The following PLAGL1 variants were observed in gnomAD, a reference collection of about 807,000 sequenced individuals.
PLAGL1 encodes zinc finger protein PLAGL1.
PLAGL1 carries 1 observed loss-of-function variant against 4.6 expected under a neutral mutation model. The ratio of observed to expected loss-of-function variants is 0.22; its 90% CI spans 0.08 to 1.03. The LOEUF is 1.03. PLAGL1 is among the 50% of genes least tolerant of loss of function. The pLI, the probability that PLAGL1 is intolerant of heterozygous loss-of-function variation, is 0.58. For missense variants in PLAGL1, 464 were observed against 570.4 expected (o/e 0.81, Z 1.90); for synonymous variants, 240 against 237.8 (o/e 1.01, Z -0.08).
At chr6:144,042,859 G>C (rs1373356562) in intron 1 of PLAGL1, among the ~76,000 whole-genome samples, 1 of 152,166 alleles carries the variant, frequency 6.6e-6, no homozygotes, top group Non-Finnish European at 1.5e-5. Flanking sequence ...TTGAGCAGTG[G>C]TTTATAGTTC....
rs1365163019 is a variant in PLAGL1, at chr6:143,979,186, T to C, written c.-544+5949A>G. Reference sequence around the variant, plus strand: ...TGTGTCTTTACACATGAAGTGCATTTTTTTGTAGGCAGCATATAGTTAGTT... The same window carrying C: ...TGTGTCTTTACACATGAAGTGCATTCTTTTGTAGGCAGCATATAGTTAGTT... On this transcript the variant is annotated intron_variant, in intron 2 of 7. Transcript: ENST00000674357. This position sits in a 1 kb window ranked among gnomAD's most constrained non-coding sequence, Gnocchi z 4.6. 6.6e-6 allele frequency among the ~76,000 whole-genome samples: 1 copy of C among 152,184 alleles called. No individual in the cohort carries two copies. Among genetic ancestry groups the C allele is most frequent in the Non-Finnish European group, 1.5e-5 (1 of 67,996 alleles).
At chr6:143,944,205 G>A (rs1056172028) in intron 7 of PLAGL1, among the ~76,000 whole-genome samples, 1 of 152,084 alleles carries the variant, frequency 6.6e-6, no homozygotes, top group East Asian at 1.9e-4. Flanking sequence ...ATCTCTTTAA[G>A]ACAGTATGTT....
intron 1 of PLAGL1, among the ~76,000 whole-genome samples, chr6:144,038,705 T>C (rs1032191114): frequency 6.6e-6 from 1 of 152,216 alleles, no homozygotes; most frequent in African/African-American, 2.4e-5. Context: ...GAAAACATTA[T>C]ACTGTGTGAA....
chr6:143,993,000 A>G (rs1790805937), intron 1 of PLAGL1, among the ~76,000 whole-genome samples: 1 of 146,556 alleles, frequency 6.8e-6, no homozygotes, highest in East Asian at 2.2e-4. Flanking sequence ...AAACAAACAA[A>G]CACACACACA....
At position 143,982,927 on chromosome 6, in the gene PLAGL1, G is replaced by A. The variant is rs1175369284; in HGVS notation, c.-544+2208C>T. On this transcript the variant is annotated intron_variant, in intron 2 of 7. Coordinates refer to ENST00000674357, the MANE Select transcript of PLAGL1 (RefSeq NM_001317162.2). This position sits in a 1 kb window ranked among gnomAD's most constrained non-coding sequence, Gnocchi z 5.3. ...CAGCAATTGGATATTTTAATCTGGA[G>A]TTTAGAGAAGAGGTCCATACTGGAG... 6.6e-6 allele frequency among the ~76,000 whole-genome samples: 1 copy of A among 152,184 alleles called. No individual in the cohort carries two copies. The highest frequency in any genetic ancestry group is 2.4e-5 in the African/African-American group (1 of 41,446).
rs1784469045 is a variant in PLAGL1 at position 143,966,624 on chromosome 6, C to T, written c.-471-426G>A. On this transcript the variant is annotated intron_variant, in intron 3 of 7. Transcript: ENST00000674357. The surrounding 1 kb of genome is among the most constrained non-coding windows in gnomAD (Gnocchi z 6.0). The stretch of plus-strand genomic sequence containing the variant: ...GTGTTTTATGAACCACCTCTAATTC[C>T]TACTGCTGGAACAAAAAGGGAAAAA... 1 of 152,152 alleles carries T rather than the reference C, an allele frequency of 6.6e-6. No individual in the cohort carries two copies. Among genetic ancestry groups the T allele is most frequent in the African/African-American group, 2.4e-5 (1 of 41,436 alleles). The allele number at this position is 152,152 out of a possible 1,614,324, so 9.4% of individuals were successfully genotyped here. A position where few individuals can be genotyped will look rare whatever the true frequency, so the allele number is the denominator to read the frequency against.
rs1341956571 is a variant in PLAGL1 at position 144,053,974 on chromosome 6, G to C, written c.-151+10494C>G. On this transcript the variant is annotated intron_variant, in intron 1 of 3. Transcript: ENST00000437412. This position sits in a 1 kb window ranked among gnomAD's most constrained non-coding sequence, Gnocchi z 4.0. ...ACACCATCAACTTCAAAATCCATCA[G>C]GAAAGGGATATTCATTTCTCTATAT... Among the ~76,000 whole-genome samples, 1 of 152,132 alleles carries C rather than the reference G, an allele frequency of 6.6e-6. No individual in the cohort carries two copies. The highest frequency in any genetic ancestry group is 1.5e-5 in the Non-Finnish European group (1 of 68,024).
chr6:144,026,930 G>C (rs982120035), intron 1 of PLAGL1, among the ~76,000 whole-genome samples: 3 of 152,018 alleles, frequency 2.0e-5, no homozygotes, highest in Non-Finnish European at 4.4e-5. Context: ...GCATTATTTT[G>C]GCCAGGTGCA....
In PLAGL1 at chr6:144,005,461, T is replaced by C. The variant is rs748273186; in HGVS notation, c.-584+2629A>G. 6.6e-6 allele frequency: 1 copy of C among 152,162 alleles called. No individual in the cohort carries two copies. The highest frequency in any genetic ancestry group is 6.5e-5 in the Admixed American group (1 of 15,280). 9.4% of individuals were successfully genotyped at this position (152,162 alleles called of 1,614,324 possible). ...CTGCTAATCACTGATATTGGGACAA[T>C]TACCTTTTCATGTGGGAATCTGAAA... On this transcript the variant is annotated intron_variant, in intron 1 of 7. Coordinates refer to ENST00000674357, the MANE Select transcript of PLAGL1 (RefSeq NM_001317162.2). The surrounding 1 kb of genome is among the most constrained non-coding windows in gnomAD (Gnocchi z 4.6).
chr6:144,063,376 A>G lies in PLAGL1; in HGVS notation c.-151+1092T>C, dbSNP rs1799580976. ...GATGCCTAACTAGGCGTCCCCAGCC[A>G]TATCCCCGGGGCAGCTTTTACAAAA... On this transcript the variant is annotated intron_variant, in intron 1 of 3. Coordinates refer to the PLAGL1 transcript ENST00000437412. The surrounding 1 kb of genome is among the most constrained non-coding windows in gnomAD (Gnocchi z 5.7). 6.6e-6 allele frequency among the ~76,000 whole-genome samples: 1 copy of G among 152,044 alleles called. No homozygotes were observed. Among genetic ancestry groups the G allele is most frequent in the African/African-American group, 2.4e-5 (1 of 41,382 alleles).
In PLAGL1 at chr6:144,006,166, C is replaced by G. The variant is rs1272132035; in HGVS notation, c.-584+1924G>C. ...CCACCATGGAATTTATGAAATAAAA[C>G]ATTACTGATAAATTCCCTAGGTACT... On this transcript the variant is annotated intron_variant, in intron 1 of 7. Coordinates refer to ENST00000674357, the MANE Select transcript of PLAGL1 (RefSeq NM_001317162.2). The surrounding 1 kb of genome is among the most constrained non-coding windows in gnomAD (Gnocchi z 4.3). 3.3e-5 allele frequency: 5 copies of G among 151,948 alleles called. No individual in the cohort carries two copies. Among genetic ancestry groups the G allele is most frequent in the Non-Finnish European group, 7.4e-5 (5 of 67,992 alleles). The allele number at this position is 151,948 out of a possible 1,614,324, so 9.4% of individuals were successfully genotyped here. A position where few individuals can be genotyped will look rare whatever the true frequency, so the allele number is the denominator to read the frequency against.
At chr6:144,049,087 C>A in intron 1 of PLAGL1, among the ~76,000 whole-genome samples, 1 of 152,242 alleles carries the variant, frequency 6.6e-6, no homozygotes, top group East Asian at 1.9e-4. Flanking sequence ...AGGGCAGGGG[C>A]AAAATGCCAC....
At chr6:143,980,046 C>T (rs1434068225) in intron 2 of PLAGL1, among the ~76,000 whole-genome samples, 3 of 152,100 alleles carry the variant, frequency 2.0e-5, no homozygotes, top group East Asian at 1.9e-4. Context: ...TGTCTTTCCA[C>T]TGTCTTCTGG....
rs1450382501 is a variant in PLAGL1, at chr6:144,053,150, T to G, written c.-151+11318A>C. On this transcript the variant is annotated intron_variant, in intron 1 of 3. Coordinates refer to the PLAGL1 transcript ENST00000437412. The surrounding 1 kb of genome is among the most constrained non-coding windows in gnomAD (Gnocchi z 4.0). ...GCCAAAATCAATCAATCAATCATTT[T>G]TTTTGAAATGGTCTCACTCTGTCGC... is the stretch of plus-strand genomic sequence containing the variant. Among the ~76,000 whole-genome samples the G allele has an allele frequency of 6.6e-6, 1 of 152,226 alleles. No individual in the cohort carries two copies. Among genetic ancestry groups the G allele is most frequent in the Non-Finnish European group, 1.5e-5 (1 of 68,046 alleles).
At chr6:144,037,855 C>T (rs1211813077) in intron 1 of PLAGL1, among the ~76,000 whole-genome samples, 1 of 152,168 alleles carries the variant, frequency 6.6e-6, no homozygotes, top group Non-Finnish European at 1.5e-5. Flanking sequence ...ATGAAAAGCA[C>T]GTACTCTTGA....
At chr6:144,001,174 TAA>T (rs148052722) in intron 1 of PLAGL1, among the ~76,000 whole-genome samples, 23,903 of 140,066 alleles carry the variant, frequency 0.17, 2,121 homozygotes, top group Admixed American at 0.28. Flanking sequence ...AAGGAAATGA[TAA>T]AAAAAAAAAA....
At chr6:143,981,958 A>T (rs563281610) in intron 2 of PLAGL1, among the ~76,000 whole-genome samples, 1 of 152,236 alleles carries the variant, frequency 6.6e-6, no homozygotes, top group Admixed American at 6.5e-5. Flanking sequence ...TTTCTTTTTC[A>T]TTAAACCAGC....
At position 144,048,913 on chromosome 6, in the gene PLAGL1, C is replaced by T. The variant is rs1329910058; in HGVS notation, c.-151+15555G>A. ...TTCCAAACTTCTATGCTCTGCTTCC[C>T]TTTTAAATCCAAATTCCAATTTCAA... On this transcript the variant is annotated intron_variant, in intron 1 of 3. Coordinates refer to the PLAGL1 transcript ENST00000437412. This position sits in a 1 kb window ranked among gnomAD's most constrained non-coding sequence, Gnocchi z 4.8. 6.6e-6 allele frequency among the ~76,000 whole-genome samples: 1 copy of T among 152,206 alleles called. No homozygotes were observed. Among genetic ancestry groups the T allele is most frequent in the Admixed American group, 6.5e-5 (1 of 15,288 alleles).
At chr6:144,019,384 G>A (rs1317897969) in intron 1 of PLAGL1, among the ~76,000 whole-genome samples, 1 of 151,906 alleles carries the variant, frequency 6.6e-6, no homozygotes, top group Non-Finnish European at 1.5e-5. Flanking sequence ...AGGCAGGATA[G>A]TTGCTCAAAC....
Sources: allele counts gnomAD v4.1 joint callset (sites outside exome capture counted in the v4.1 genomes callset), GRCh38; gene constraint gnomAD v4.1.1; non-coding constraint Gnocchi (gnomAD v3.1); transcripts MANE v1.5; gene names NCBI Gene and HGNC (gene_info 2026-07-23, HGNC 2026-07-21).